The following CENPP variants were observed in gnomAD, a reference collection of about 807,000 sequenced individuals.
The protein encoded by CENPP is centromere protein P.
CENPP carries 24 observed loss-of-function variants against 35.6 expected under a neutral mutation model. That is an observed-to-expected ratio of 0.67 (90% CI 0.49 to 0.95). The LOEUF (loss-of-function observed/expected upper bound fraction) is 0.95, where lower values mean the gene tolerates loss of function less well. Among genes scored for constraint, CENPP ranks in the 40% least tolerant of loss-of-function variants. The pLI is 0.00. For missense variants in CENPP, 332 were observed against 345.3 expected (o/e 0.96, Z 0.31); for synonymous variants, 120 against 125.5 (o/e 0.96, Z 0.29).
chr9:92,378,705 A>G (rs1006066171), intron 4 of CENPP, among the ~76,000 whole-genome samples: 5 of 152,218 alleles, frequency 3.3e-5, no homozygotes, highest in African/African-American at 1.2e-4. Flanking sequence ...CCTTCAAGTT[A>G]CTTGTGGTGT....
At chr9:92,569,630 A>G (rs1321107378) in intron 5 of CENPP, among the ~76,000 whole-genome samples, 8 of 152,034 alleles carry the variant, frequency 5.3e-5, no homozygotes, top group Non-Finnish European at 1.0e-4. Flanking sequence ...GTCATTGGTA[A>G]CTTGATGGGG....
intron 4 of CENPP, among the ~76,000 whole-genome samples, chr9:92,356,726 T>C (rs1464402956): frequency 1.3e-5 from 2 of 152,242 alleles, no homozygotes; most frequent in African/African-American, 2.4e-5. Flanking sequence ...AACTGATAAA[T>C]GTCCATATTA....
chr9:92,501,861 C>T (rs555751439), intron 5 of CENPP, among the ~76,000 whole-genome samples: 2 of 152,236 alleles, frequency 1.3e-5, no homozygotes, highest in Non-Finnish European at 2.9e-5. Context: ...TTCTGACTCC[C>T]TCCCCCTTCA....
At chr9:92,553,203 C>G (rs567537750) in intron 5 of CENPP, among the ~76,000 whole-genome samples, 5 of 152,010 alleles carry the variant, frequency 3.3e-5, no homozygotes, top group Non-Finnish European at 7.4e-5. Context: ...TTTGCTTTGT[C>G]GAAGATCAGT....
At chr9:92,358,390 C>T (rs978128959) in intron 4 of CENPP, among the ~76,000 whole-genome samples, 12 of 151,998 alleles carry the variant, frequency 7.9e-5, no homozygotes, top group Non-Finnish European at 1.5e-4. Context: ...TTACAGGTGC[C>T]TGCTGCCACA....
At chr9:92,609,867 A>G (rs568482907) in intron 5 of CENPP, among the ~76,000 whole-genome samples, 1 of 151,768 alleles carries the variant, frequency 6.6e-6, no homozygotes, top group Non-Finnish European at 1.5e-5. Context: ...CAGCCTCCCG[A>G]GTAGCTGGGA....
intron 5 of CENPP, among the ~76,000 whole-genome samples, chr9:92,502,105 G>A (rs955091720): frequency 6.6e-6 from 1 of 152,210 alleles, no homozygotes; most frequent in African/African-American, 2.4e-5. Context: ...TTCTCACTGT[G>A]TGCAGGGGAA....
chr9:92,370,374 G>A (rs75368342), intron 4 of CENPP, among the ~76,000 whole-genome samples: 4,533 of 152,188 alleles, frequency 0.03, 105 homozygotes, highest in South Asian at 0.084. Context: ...GATGATTTAG[G>A]AATAGTTTCA....
intron 4 of CENPP, among the ~76,000 whole-genome samples, chr9:92,354,473 C>T (rs2130820830): frequency 6.6e-6 from 1 of 152,272 alleles, no homozygotes; most frequent in South Asian, 2.1e-4. Context: ...ATAGGGGTGG[C>T]TGGGGAAAGA....
At chr9:92,404,938 T>C (rs1843265055) in intron 5 of CENPP, among the ~76,000 whole-genome samples, 1 of 152,274 alleles carries the variant, frequency 6.6e-6, no homozygotes, top group Admixed American at 6.5e-5. Flanking sequence ...AATGACAACA[T>C]AGTCCATGTT....
At chr9:92,355,059 G>A (rs1362383922) in intron 4 of CENPP, among the ~76,000 whole-genome samples, 2 of 152,174 alleles carry the variant, frequency 1.3e-5, no homozygotes, top group Non-Finnish European at 2.9e-5. Context: ...CTACTGATAA[G>A]GGTCCATGTT....
intron 5 of CENPP, among the ~76,000 whole-genome samples, chr9:92,449,847 G>A (rs1372655830): frequency 6.6e-6 from 1 of 152,142 alleles, no homozygotes; most frequent in Non-Finnish European, 1.5e-5. Flanking sequence ...ACTCTGCCAT[G>A]CTTCCTATAC....
At chr9:92,457,452 C>T in intron 5 of CENPP, 2 of 1,612,622 alleles carry the variant, frequency 1.2e-6, no homozygotes, top group Non-Finnish European at 1.7e-6. Context: ...TTTACTCCCA[C>T]TCTTGCAATT....
intron 5 of CENPP, among the ~76,000 whole-genome samples, chr9:92,504,456 T>G (rs911114394): frequency 2.0e-5 from 3 of 152,136 alleles, no homozygotes; most frequent in African/African-American, 4.8e-5. Flanking sequence ...AAACGGAGCT[T>G]AGTAAGGAAA....
chr9:92,336,846 A>G (rs1322742537), intron 2 of CENPP, among the ~76,000 whole-genome samples: 2 of 152,236 alleles, frequency 1.3e-5, no homozygotes, highest in East Asian at 1.9e-4. Context: ...TCTCAAAAAT[A>G]TCACTGACAT....
At chr9:92,515,890 G>T (rs1847672713) in intron 5 of CENPP, among the ~76,000 whole-genome samples, 1 of 152,146 alleles carries the variant, frequency 6.6e-6, no homozygotes, top group Non-Finnish European at 1.5e-5. Context: ...GCCCAGGAGT[G>T]CTGTTTATCC....
chr9:92,494,187 G>T (rs546032272), intron 5 of CENPP: 2 of 1,581,946 alleles, frequency 1.3e-6, no homozygotes, highest in Admixed American at 3.3e-5. Flanking sequence ...TGAATGAATC[G>T]TTTAGTATCT....
chr9:92,551,280 T>C (rs73522365), intron 5 of CENPP, among the ~76,000 whole-genome samples: 3,139 of 152,190 alleles, frequency 0.021, 115 homozygotes, highest in African/African-American at 0.072. Flanking sequence ...TGTTATATAG[T>C]AAGGAGTTAA....
At chr9:92,516,506 G>A (rs1385384685) in intron 5 of CENPP, among the ~76,000 whole-genome samples, 1 of 152,176 alleles carries the variant, frequency 6.6e-6, no homozygotes, top group Non-Finnish European at 1.5e-5. Context: ...TATCAATTCA[G>A]TATGTATTAT....
Sources: allele counts gnomAD v4.1 joint callset (sites outside exome capture counted in the v4.1 genomes callset), GRCh38; gene constraint gnomAD v4.1.1; transcripts MANE v1.5; gene names NCBI Gene and HGNC (gene_info 2026-07-23, HGNC 2026-07-21).